Variants in GRIK4 observed in about 807,000 individuals in gnomAD.
The protein encoded by GRIK4 is glutamate receptor ionotropic, kainate 4.
GRIK4 carries 40 observed loss-of-function variants against 104.9 expected under a neutral mutation model. The observed-to-expected ratio is 0.38, with a 90% CI of 0.30 to 0.50. The LOEUF is 0.50. Among genes scored for constraint, GRIK4 ranks in the 20% least tolerant of loss-of-function variants. GRIK4 has a pLI of 0.93. For missense variants in GRIK4, 1,047 were observed against 1,308.1 expected, an observed-to-expected ratio of 0.80 and a Z score of 3.08; for synonymous variants, 485 against 524.9, an observed-to-expected ratio of 0.92 and a Z score of 1.04.
intron 2 of GRIK4, 118 bp from the exon 3 acceptor site, chr11:120,660,151 C>G: frequency 3.3e-6 from 2 of 599,300 alleles, no homozygotes; most frequent in Non-Finnish European, 6.0e-6. Context: ...TCTTTGAGCC[C>G]GGCATGTAAG....
intron 3 of GRIK4, among the ~76,000 whole-genome samples, chr11:120,722,575 T>C (rs1185041579): frequency 6.6e-6 from 1 of 150,652 alleles, no homozygotes; most frequent in African/African-American, 2.5e-5. Context: ...GCCATTGTAC[T>C]CCAGCCTCCA....
intron 8 of GRIK4, among the ~76,000 whole-genome samples, chr11:120,860,485 C>T (rs1954233296): frequency 6.6e-6 from 1 of 152,170 alleles, no homozygotes; most frequent in Non-Finnish European, 1.5e-5. Context: ...GCAGGGAGAA[C>T]TCCTTTGAGC....
intron 8 of GRIK4, among the ~76,000 whole-genome samples, chr11:120,838,149 A>T (rs958733411): frequency 6.6e-6 from 1 of 152,184 alleles, no homozygotes; most frequent in African/African-American, 2.4e-5. Context: ...CATAAGAATG[A>T]TGGTGATGAT....
chr11:120,844,964 G>A (rs1307328861), intron 8 of GRIK4, among the ~76,000 whole-genome samples: 1 of 152,190 alleles, frequency 6.6e-6, no homozygotes, highest in African/African-American at 2.4e-5. Flanking sequence ...ACCTGGGACT[G>A]TTTCCTTCAC....
rs573911234 is a variant in GRIK4 at position 120,956,425 on chromosome 11, G to A, written c.1701-355G>A. ...TCGCTGTGTTGCCCAGGCTGGTCTC[G>A]AATCCCTGGACTCAAGCAATCCACC... On this transcript the variant is annotated intron_variant, in intron 15 of 20. Coordinates refer to ENST00000527524, the MANE Select transcript of GRIK4 (RefSeq NM_014619.5). The surrounding 1 kb of genome is among the most constrained non-coding windows in gnomAD (Gnocchi z 4.6). 2.6e-5 allele frequency among the ~76,000 whole-genome samples: 4 copies of A among 151,904 alleles called. No homozygotes were observed. The highest frequency in any genetic ancestry group is 6.6e-5 in the Admixed American group (1 of 15,264).
chr11:120,754,866 A>ACT (rs1951626134), intron 3 of GRIK4, among the ~76,000 whole-genome samples: 1 of 152,004 alleles, frequency 6.6e-6, no homozygotes, highest in African/African-American at 2.4e-5. Context: ...CCCCTTTTTA[A>ACT]TTGGGTTATT....
intron 8 of GRIK4, among the ~76,000 whole-genome samples, chr11:120,856,715 G>T (rs565186962): frequency 6.6e-6 from 1 of 152,170 alleles, no homozygotes; most frequent in Non-Finnish European, 1.5e-5. Context: ...ATTTGACCTG[G>T]GTTAGGAGAT....
intron 19 of GRIK4, among the ~76,000 whole-genome samples, chr11:120,970,880 T>C (rs948002176): frequency 6.6e-6 from 1 of 152,214 alleles, no homozygotes; most frequent in Non-Finnish European, 1.5e-5. Flanking sequence ...TTGATAGGTT[T>C]TGAATGGACA....
rs1484144470 is a variant in GRIK4 at position 120,987,722 on chromosome 11, T to TCC, written c.*1463_*1464dup. On this transcript the variant is annotated 3_prime_UTR_variant, in exon 21 of 21. Transcript: ENST00000527524. ...ACCAGGTGACTGCTAGTGACTGCTC[T>TCC]CCATGTGAGAAGTTTGCAGAGTCCA... 2.6e-5 allele frequency: 4 copies of TCC among 152,208 alleles called. No individual in the cohort carries two copies. Among genetic ancestry groups the TCC allele is most frequent in the Non-Finnish European group, 5.9e-5 (4 of 68,062 alleles). The allele number at this position is 152,208 out of a possible 1,614,324, so 9.4% of individuals were successfully genotyped here.
intron 3 of GRIK4, among the ~76,000 whole-genome samples, chr11:120,686,706 G>A (rs546137982): frequency 1.2e-4 from 18 of 152,348 alleles, no homozygotes; most frequent in African/African-American, 4.3e-4. Context: ...AAGCATTTAG[G>A]TATTTCTGCT....
intron 1 of GRIK4, among the ~76,000 whole-genome samples, chr11:120,628,794 TTC>T (rs1565580466): frequency 6.6e-6 from 1 of 152,162 alleles, no homozygotes; most frequent in Admixed American, 6.5e-5. Context: ...TCATGCTCAG[TTC>T]TCTGTTTTTT....
rs142046109 is a variant in GRIK4, at chr11:120,660,399, C to T, written c.81C>T (p.Ile27=). 16 of 1,610,836 alleles carry T rather than the reference C, an allele frequency of 9.9e-6. No homozygotes were observed. Among genetic ancestry groups the T allele is most frequent in the South Asian group, 4.4e-5 (4 of 91,034 alleles). Residue 27 remains isoleucine, a splice_region_variant and synonymous_variant, in exon 3 of 21, where the codon ATC becomes ATT. Coordinates refer to ENST00000527524, the MANE Select transcript of GRIK4 (RefSeq NM_014619.5). ...MVACSPHSLR[I]AAILDDPMEC... ...CCTGCAGCCCGCACTCCTTGAGGAT[C>T]GGTAAGTGTGGCCCAGCTTGGGGCA...
intron 3 of GRIK4, among the ~76,000 whole-genome samples, chr11:120,718,620 A>G (rs1270891100): frequency 6.6e-6 from 1 of 152,250 alleles, no homozygotes; most frequent in African/African-American, 2.4e-5. Flanking sequence ...GGAGAATCCA[A>G]CATGTATTGA....
At position 120,905,695 on chromosome 11, in the gene GRIK4, T is replaced by A. The variant is rs1942853510; in HGVS notation, c.1476+202T>A. 6.6e-6 allele frequency among the ~76,000 whole-genome samples: 1 copy of A among 152,170 alleles called. No individual in the cohort carries two copies. Among genetic ancestry groups the A allele is most frequent in the Non-Finnish European group, 1.5e-5 (1 of 68,038 alleles). ...GTGGATAAGCCTGCAATGATCCCTA[T>A]CCCGTGGCTTTCCCAGTCCAGAGCC... On this transcript the variant is annotated intron_variant, in intron 13 of 20. Transcript: ENST00000527524. The surrounding 1 kb of genome is among the most constrained non-coding windows in gnomAD (Gnocchi z 5.1).
At chr11:120,934,367 T>C (rs1332124344) in intron 13 of GRIK4, among the ~76,000 whole-genome samples, 3 of 152,040 alleles carry the variant, frequency 2.0e-5, no homozygotes, top group Non-Finnish European at 4.4e-5. Flanking sequence ...AGATCTGGTA[T>C]TGCCGTTAGA....
chr11:120,909,974 T>C (rs992044931), intron 13 of GRIK4, among the ~76,000 whole-genome samples: 1 of 152,208 alleles, frequency 6.6e-6, no homozygotes, highest in Non-Finnish European at 1.5e-5. Flanking sequence ...GAATGGGTCA[T>C]GAGCACTCTG....
chr11:120,768,619 A>T (rs1163635679), intron 3 of GRIK4, among the ~76,000 whole-genome samples: 1 of 152,220 alleles, frequency 6.6e-6, no homozygotes, highest in Non-Finnish European at 1.5e-5. Flanking sequence ...GCCTTGTACC[A>T]GATCTTAGTA....
rs146365690 is a variant in GRIK4, at chr11:120,938,197, G to A, written c.1477-2150G>A. ...CTGAATTCAAATCAGTGCCTCTGTT[G>A]TGGAGGGGCTGAGGCTCTGAACGGC... On this transcript the variant is annotated intron_variant, in intron 13 of 20. Coordinates refer to ENST00000527524, the MANE Select transcript of GRIK4 (RefSeq NM_014619.5). 7.9e-5 allele frequency among the ~76,000 whole-genome samples: 12 copies of A among 152,286 alleles called. No individual in the cohort carries two copies. The East Asian group carries it at 2.1e-3, about 27-fold the overall frequency.
At chr11:120,645,392 G>A (rs1395970821) in intron 1 of GRIK4, among the ~76,000 whole-genome samples, 1 of 152,210 alleles carries the variant, frequency 6.6e-6, no homozygotes, top group Non-Finnish European at 1.5e-5. Flanking sequence ...CCTTTCACAT[G>A]CAACGGTATG....
Sources: gnomAD v4.1 joint callset for allele counts (sites outside exome capture counted in the v4.1 genomes callset) on GRCh38, gnomAD v4.1.1 for gene constraint, Gnocchi (gnomAD v3.1) non-coding constraint, MANE v1.5 for transcripts, NCBI Gene and HGNC (gene_info 2026-07-23, HGNC 2026-07-21) for gene names.